Variants in SNAP47 observed in about 807,000 individuals in gnomAD.
SNAP47 encodes synaptosomal-associated protein 47.
SNAP47 carries 20 observed loss-of-function variants against 31.4 expected under a neutral mutation model. The ratio of observed to expected loss-of-function variants is 0.64; its 90% CI spans 0.45 to 0.93. SNAP47 has a LOEUF of 0.93. SNAP47 is among the 40% of genes least tolerant of loss of function. SNAP47 has a pLI of 0.00. For missense variants in SNAP47, 492 were observed against 528.5 expected (o/e 0.93, Z 0.68); for synonymous variants, 194 against 213.4 (o/e 0.91, Z 0.79).
intron 4 of SNAP47, among the ~76,000 whole-genome samples, chr1:227,768,541 T>G (rs1262522603): frequency 6.6e-6 from 1 of 152,192 alleles, no homozygotes; most frequent in Non-Finnish European, 1.5e-5. Flanking sequence ...GGCCAGCTTG[T>G]TTGGGGAAAA....
At chr1:227,779,198 C>A (rs1664321105) in intron 4 of SNAP47, among the ~76,000 whole-genome samples, 1 of 152,226 alleles carries the variant, frequency 6.6e-6, no homozygotes, top group African/African-American at 2.4e-5. Context: ...GACCAGCTGG[C>A]CCTCTGTCCT....
intron 4 of SNAP47, among the ~76,000 whole-genome samples, chr1:227,772,967 A>AT (rs1238363212): frequency 2.0e-5 from 3 of 151,516 alleles, no homozygotes; most frequent in African/African-American, 4.9e-5. Context: ...GGTTTTTTGT[A>AT]TTTTTTATTT....
rs1477226737 is a variant in SNAP47, at chr1:227,741,217, G to C, written c.-46+5718G>C. Among the ~76,000 whole-genome samples the C allele has an allele frequency of 3.3e-5, 5 of 152,138 alleles. No individual in the cohort carries two copies. In the East Asian group the frequency reaches 7.7e-4, roughly 23 times the overall value. On this transcript the variant is annotated intron_variant, in intron 1 of 4. Coordinates refer to ENST00000617596, the MANE Select transcript of SNAP47 (RefSeq NM_053052.4). The surrounding 1 kb of genome is among the most constrained non-coding windows in gnomAD (Gnocchi z 4.2). ...TGGGTGTTTGGGAGGCAACGGCTTG[G>C]GGGTGATGTTGAGTTTCTGGCCTGT...
chr1:227,773,510 G>A lies in SNAP47; in HGVS notation c.1113+6427G>A, dbSNP rs559149747. On this transcript the variant is annotated intron_variant, in intron 4 of 4. Coordinates refer to ENST00000617596, the MANE Select transcript of SNAP47 (RefSeq NM_053052.4). ...AAAATAAATTTAGTGGAGCCTTAGT[G>A]CGCAGTGTTGATAAAGTCCACAGTA... Among the ~76,000 whole-genome samples, 20 of 152,298 alleles carry A rather than the reference G, an allele frequency of 1.3e-4. No individual in the cohort carries two copies. The South Asian group carries it at 3.5e-3, about 27-fold the overall frequency.
At chr1:227,731,714 T>C (rs1660659904), upstream of SNAP47, 1 of 154,474 alleles carries the variant, frequency 6.5e-6, no homozygotes, top group Admixed American at 6.3e-5. Flanking sequence ...GACCCAGCTG[T>C]GAGTGCACAG....
chr1:227,756,069 G>A (rs142182728), intron 2 of SNAP47, among the ~76,000 whole-genome samples: 2 of 152,320 alleles, frequency 1.3e-5, no homozygotes, highest in African/African-American at 4.8e-5. Context: ...AACCCAAGCT[G>A]TAACCCAACT....
intron 4 of SNAP47, chr1:227,776,092 T>C: frequency 8.5e-7 from 1 of 1,182,596 alleles, no homozygotes; most frequent in Non-Finnish European, 1.1e-6. Flanking sequence ...TCTTGCTGCC[T>C]GCCTGAGTCA....
intron 4 of SNAP47, among the ~76,000 whole-genome samples, chr1:227,779,656 A>C (rs1472719335): frequency 6.6e-6 from 1 of 152,230 alleles, no homozygotes; most frequent in Non-Finnish European, 1.5e-5. Context: ...CTCCATTGTC[A>C]GGTGGGCATA....
chr1:227,735,598 C>A (rs1395725021), intron 1 of SNAP47, 99 bp downstream of exon 1: 4 of 1,327,778 alleles, frequency 3.0e-6, no homozygotes, highest in Admixed American at 4.1e-5. Context: ...CAGCCCGAGC[C>A]CTCCTTCCCG....
At chr1:227,748,296 C>T (rs1662114003) in intron 2 of SNAP47, 63 bp downstream of exon 2, 1 of 1,454,128 alleles carries the variant, frequency 6.9e-7, no homozygotes, top group African/African-American at 1.4e-5. Context: ...TGTGGAGGCT[C>T]ACAGGCACTG....
intron 4 of SNAP47, among the ~76,000 whole-genome samples, chr1:227,772,363 C>T (rs1242917424): frequency 6.6e-6 from 1 of 151,870 alleles, no homozygotes; most frequent in Non-Finnish European, 1.5e-5. Context: ...ACCACTCTGC[C>T]TTCCCTCTCT....
chr1:227,734,872 C>T, upstream of SNAP47: 1 of 1,604,170 alleles, frequency 6.2e-7, no homozygotes, highest in Non-Finnish European at 8.5e-7. Flanking sequence ...TCACTCCAAA[C>T]CGTCTGCAGA....
chr1:227,732,739 C>A, upstream of SNAP47: 1 of 1,595,832 alleles, frequency 6.3e-7, no homozygotes, highest in East Asian at 2.2e-5. Context: ...GCAAAGGACC[C>A]GACATGCGCC....
At chr1:227,757,101 T>G (rs977236340) in intron 2 of SNAP47, among the ~76,000 whole-genome samples, 1 of 152,252 alleles carries the variant, frequency 6.6e-6, no homozygotes, top group African/African-American at 2.4e-5. Flanking sequence ...GCCATCCCAT[T>G]CTCACATTTG....
In SNAP47 at chr1:227,748,195, C is replaced by A; in HGVS notation, c.459C>A (p.Gly153=). ...AGCAGCTGGACAGCGTCATGAGAGG[C>A]CTGGACAAGATGGAGTCAGACCTGG... The part of the protein sequence containing the change: ...QGQQLDSVMR[G]LDKMESDLEV... The change falls in exon 2 of 5, where the codon GGC becomes GGA. Residue 153 remains glycine (G), a synonymous_variant. Coordinates refer to ENST00000617596, the MANE Select transcript of SNAP47 (RefSeq NM_053052.4). The A allele has an allele frequency of 6.2e-7, 1 of 1,605,648 alleles. No homozygotes were observed. The highest frequency in any genetic ancestry group is 1.1e-5 in the South Asian group (1 of 89,730).
chr1:227,757,895 C>T lies in SNAP47; in HGVS notation c.498-1100C>T, dbSNP rs117820586. ...GGTGCAGTGCCACAACCATGGCAGC[C>T]ATTCCTTCAAATAAGCCCCTCCTTC... On this transcript the variant is annotated intron_variant, in intron 2 of 4. Transcript: ENST00000617596. Among the ~76,000 whole-genome samples, 369 of 152,328 alleles carry T rather than the reference C, an allele frequency of 2.4e-3. 13 individuals are homozygous for T. The East Asian group carries it at 0.063, about 26-fold the overall frequency.
intron 4 of SNAP47, chr1:227,776,668 T>C (rs1664178912): frequency 2.0e-6 from 2 of 985,366 alleles, no homozygotes; most frequent in African/African-American, 3.5e-5. Flanking sequence ...ATTACTTCAG[T>C]CCCTTCTCAA....
At chr1:227,744,196 A>AT (rs1661806171) in intron 1 of SNAP47, 1 of 132,328 alleles carries the variant, frequency 7.6e-6, no homozygotes, top group African/African-American at 2.9e-5. Flanking sequence ...TTTTTTTAGT[A>AT]TTTTTTGACC....
chr1:227,768,202 G>C, intron 4 of SNAP47: 1 of 845,680 alleles, frequency 1.2e-6, no homozygotes, highest in East Asian at 1.2e-4. Flanking sequence ...GGTATGTGGC[G>C]CACATGCAGT....
Sources: gnomAD v4.1 joint callset for allele counts (sites outside exome capture counted in the v4.1 genomes callset) on GRCh38, gnomAD v4.1.1 for gene constraint, Gnocchi (gnomAD v3.1) non-coding constraint, MANE v1.5 for transcripts, NCBI Gene and HGNC (gene_info 2026-07-23, HGNC 2026-07-21) for gene names.